The following COL13A1 variants were observed in gnomAD, a reference collection of about 807,000 sequenced individuals.
The protein encoded by COL13A1 is collagen type XIII alpha 1 chain.
In COL13A1, 89 loss-of-function variants were observed where a neutral mutation model predicts 130.9. The ratio of observed to expected loss-of-function variants is 0.68; its 90% confidence interval spans 0.57 to 0.81. COL13A1 has a LOEUF of 0.81. Ranked by LOEUF, COL13A1 falls within the 30% of genes least tolerant of loss-of-function variation. The pLI, the probability that COL13A1 is intolerant of heterozygous loss-of-function variation, is 0.00. For synonymous variants in COL13A1, 402 were observed against 341.6 expected (o/e 1.18, Z -1.95); for missense variants, 879 against 934.6 (o/e 0.94, Z 0.78).
At chr10:69,922,065 A>G in intron 22 of COL13A1, 130 bp downstream of exon 22, 5 of 1,203,292 alleles carry the variant, frequency 4.2e-6, no homozygotes, top group Non-Finnish European at 5.7e-6. Flanking sequence ...CAGCTGGAAC[A>G]CAGCCAGATT....
chr10:69,814,999 T>C (rs532190095), intron 1 of COL13A1, among the ~76,000 whole-genome samples: 18 of 152,362 alleles, frequency 1.2e-4, no homozygotes, highest in African/African-American at 3.8e-4. Flanking sequence ...CCAAAATTGA[T>C]AGATGCTCCG....
chr10:69,895,643 C>T, intron 13 of COL13A1, 67 bp downstream of exon 13: 1 of 1,546,118 alleles, frequency 6.5e-7, no homozygotes, highest in Middle Eastern at 1.7e-4. Context: ...CCCAGCTCAG[C>T]CTCATCTCCC....
At chr10:69,810,723 C>T (rs1842824354) in intron 1 of COL13A1, among the ~76,000 whole-genome samples, 1 of 152,186 alleles carries the variant, frequency 6.6e-6, no homozygotes, top group Admixed American at 6.5e-5. Context: ...GAAACTGAGG[C>T]CTGGGTCTGG....
intron 2 of COL13A1, among the ~76,000 whole-genome samples, chr10:69,866,397 C>T (rs1185687363): frequency 1.3e-5 from 2 of 152,236 alleles, no homozygotes; most frequent in African/African-American, 4.8e-5. Context: ...CCAAAATTGC[C>T]ACAGGCTGAA....
chr10:69,873,539 C>A (rs1298460032), intron 4 of COL13A1, among the ~76,000 whole-genome samples: 2 of 152,192 alleles, frequency 1.3e-5, no homozygotes, highest in East Asian at 3.8e-4. Flanking sequence ...GTTTCCAGTC[C>A]CTGGCCATTC....
chr10:69,836,407 G>A (rs979068309), intron 2 of COL13A1, among the ~76,000 whole-genome samples: 2 of 152,226 alleles, frequency 1.3e-5, no homozygotes, highest in Admixed American at 6.5e-5. Flanking sequence ...TTGGCCCTGA[G>A]ACATCAGATC....
At chr10:69,866,698 C>T (rs1462245748) in intron 2 of COL13A1, among the ~76,000 whole-genome samples, 3 of 152,096 alleles carry the variant, frequency 2.0e-5, no homozygotes, top group Non-Finnish European at 1.5e-5. Flanking sequence ...TGTGTTCCTC[C>T]TTAACGTGAT....
intron 14 of COL13A1, among the ~76,000 whole-genome samples, chr10:69,899,996 G>A (rs966827222): frequency 2.4e-4 from 36 of 152,192 alleles, no homozygotes; most frequent in Non-Finnish European, 4.7e-4. Context: ...AGAGGGACAC[G>A]TGACTCCAGT....
At chr10:69,917,479 T>A (rs979496129) in intron 18 of COL13A1, 146 bp downstream of exon 18, 5 of 738,400 alleles carry the variant, frequency 6.8e-6, no homozygotes, top group Non-Finnish European at 1.1e-5. Context: ...TGCAGCATTG[T>A]GGTCTCTCAT....
chr10:69,868,554 T>C lies in COL13A1; in HGVS notation c.372+749T>C, dbSNP rs1458159682. Among the ~76,000 whole-genome samples, 4 of 152,250 alleles carry C rather than the reference T, an allele frequency of 2.6e-5. No individual in the cohort carries two copies. In the East Asian group the frequency reaches 7.7e-4, roughly 29 times the overall value. On this transcript the variant is annotated intron_variant, in intron 3 of 40. Transcript: ENST00000645393. Reference sequence around the variant, plus strand: ...ATCCCAACAAAAGACCAGAGGGCGCTGGGGGAGCTGGAGATAGGAATTGAA... The same window carrying C: ...ATCCCAACAAAAGACCAGAGGGCGCCGGGGGAGCTGGAGATAGGAATTGAA...
intron 2 of COL13A1, among the ~76,000 whole-genome samples, chr10:69,840,749 C>G (rs528971784): frequency 1.3e-5 from 2 of 152,220 alleles, no homozygotes; most frequent in African/African-American, 4.8e-5. Flanking sequence ...ATGAGGGGCC[C>G]TCAAAGGCCC....
In COL13A1 at chr10:69,855,086, G is replaced by T. The variant is rs370817214; in HGVS notation, c.365-12712G>T. 1.6e-4 allele frequency among the ~76,000 whole-genome samples: 24 copies of T among 152,322 alleles called. 1 individual carries two copies. The East Asian group carries it at 2.9e-3, about 18-fold the overall frequency. On this transcript the variant is annotated intron_variant, in intron 2 of 40. Transcript: ENST00000645393. ...AATCCGTGTAACCTATGGAGCCTGG[G>T]TGTTTACACCTGTAAGTTAGAACTC...
intron 7 of COL13A1, among the ~76,000 whole-genome samples, chr10:69,882,157 G>A (rs552452140): frequency 7.2e-5 from 11 of 152,188 alleles, no homozygotes; most frequent in African/African-American, 2.2e-4. Flanking sequence ...TTCTAACATC[G>A]AGGACTGAGC....
intron 26 of COL13A1, among the ~76,000 whole-genome samples, chr10:69,926,663 G>A (rs1028028026): frequency 1.1e-4 from 17 of 152,170 alleles, no homozygotes; most frequent in African/African-American, 3.9e-4. Flanking sequence ...GCTATATTGT[G>A]TCTGTTTAAA....
At chr10:69,838,189 C>G (rs925559231) in intron 2 of COL13A1, among the ~76,000 whole-genome samples, 54 of 152,232 alleles carry the variant, frequency 3.5e-4, no homozygotes, top group African/African-American at 7.7e-4. Context: ...CTTCCCGGTC[C>G]CACTTGTGTC....
intron 27 of COL13A1, 53 bp from the exon 28 acceptor site, chr10:69,928,884 G>C: frequency 7.0e-7 from 1 of 1,423,730 alleles, no homozygotes; most frequent in Admixed American, 1.7e-5. Flanking sequence ...CAGGGCACAG[G>C]CTACCCTCCT....
Position 69,802,712 on chromosome 10 carries a change from G to T in COL13A1, c.289G>T (p.Asp97Tyr), listed in dbSNP as rs200138483. 276 of 1,611,574 alleles carry T rather than the reference G, an allele frequency of 1.7e-4. No homozygotes were observed. The highest frequency in any genetic ancestry group is 2.9e-5 in the Non-Finnish European group (34 of 1,179,006). The change falls in exon 1 of 41, where the codon GAC (aspartate) becomes TAC (tyrosine). Residue 97 changes from aspartate (D) to tyrosine (Y), a missense_variant. This residue lies in a region of COL13A1 where 715 missense variants were observed against 721.0 expected (regional missense o/e 0.99). Transcript: ENST00000645393. ...TTTGGGACGAGTCAATCAACTGCTG[G>T]ACGAGGTCTGTGCTCTTTGTTGCTG... Reference protein sequence around the residue: ...AILGRVNQLLDEKWKLHSRRR... With the variant: ...AILGRVNQLLYEKWKLHSRRR...
intron 3 of COL13A1, among the ~76,000 whole-genome samples, chr10:69,869,352 C>G (rs758353202): frequency 2.0e-5 from 3 of 152,210 alleles, no homozygotes; most frequent in Admixed American, 6.5e-5. Context: ...GCTGAAACCA[C>G]AAGGCAGGAG....
rs757114636 is a variant in COL13A1, at chr10:69,923,865, C to G, written c.1284+10C>G. 12 of 1,610,968 alleles carry G rather than the reference C, an allele frequency of 7.4e-6. No homozygotes were observed. The highest frequency in any genetic ancestry group is 1.7e-5 in the Admixed American group (1 of 59,650). On this transcript the variant is annotated intron_variant, in intron 24 of 40. Transcript: ENST00000645393. ...GCAGCCAGGAGACAAGGTACAGAGACCCCCACATCCCAGAGCTGCAAGATG... is the reference window on the plus strand; with the variant it reads ...GCAGCCAGGAGACAAGGTACAGAGAGCCCCACATCCCAGAGCTGCAAGATG...
Sources: gnomAD v4.1 joint callset for allele counts (sites outside exome capture counted in the v4.1 genomes callset) on GRCh38, gnomAD v4.1.1 for gene constraint, gnomAD v4.1.1 regional missense constraint, MANE v1.5 for transcripts, NCBI Gene and HGNC (gene_info 2026-07-23, HGNC 2026-07-21) for gene names.